The following PSME3 variants were observed in gnomAD, a reference collection of about 807,000 sequenced individuals.
The protein encoded by PSME3 is proteasome activator subunit 3, also known as proteasome activator complex subunit 3.
PSME3 carries 7 observed loss-of-function variants against 38.3 expected under a neutral mutation model. The ratio of observed to expected loss-of-function variants is 0.18; its 90% CI spans 0.10 to 0.34. PSME3 has a LOEUF of 0.34. Among genes scored for constraint, PSME3 ranks in the 10% least tolerant of loss-of-function variants. The pLI, the probability that PSME3 is intolerant of heterozygous loss-of-function variation, is 1.00. For synonymous variants in PSME3, 108 were observed against 105.7 expected, an observed-to-expected ratio of 1.02 and a Z score of -0.13; for missense variants, 192 against 307.6, an observed-to-expected ratio of 0.62 and a Z score of 2.81.
Position 42,833,445 on chromosome 17 carries a change from A to C in PSME3, c.-187A>C. The stretch of plus-strand genomic sequence containing the variant: ...AAGCCGGGAGGGCGAGCGAGAGAGC[A>C]AGCAGGCAGCAGGCTGCCGGCGGGC... On this transcript the variant is annotated 5_prime_UTR_variant, in exon 1 of 11. Transcript: ENST00000590720. The C allele has an allele frequency of 9.2e-6, 6 of 655,294 alleles. No homozygotes were observed. The highest frequency in any genetic ancestry group is 1.6e-5 in the Non-Finnish European group (6 of 381,286). 40.6% of individuals were successfully genotyped at this position (655,294 alleles called of 1,614,324 possible).
At chr17:42,841,006 G>A (rs1057290166) in intron 10 of PSME3, among the ~76,000 whole-genome samples, 2 of 151,636 alleles carry the variant, frequency 1.3e-5, no homozygotes, top group East Asian at 3.9e-4. Flanking sequence ...GGTGGCAGGC[G>A]CCTGTAGTCC....
intron 4 of PSME3, among the ~76,000 whole-genome samples, chr17:42,835,736 A>G (rs1255695406): frequency 4.6e-5 from 7 of 152,058 alleles, no homozygotes; most frequent in South Asian, 4.1e-4. Flanking sequence ...AAAAAAAAAA[A>G]AGAGAACTAG....
At position 42,838,160 on chromosome 17, in the gene PSME3, G is replaced by C; in HGVS notation, c.360G>C (p.Glu120Asp). 1 of 1,614,154 alleles carries C rather than the reference G, an allele frequency of 6.2e-7. No individual in the cohort carries two copies. Among genetic ancestry groups the C allele is most frequent in the Non-Finnish European group, 8.5e-7 (1 of 1,180,050 alleles). The stretch of plus-strand genomic sequence containing the variant: ...ACCAGCAGCTGGTGGACATTATTGA[G>C]AAAGTGAAACCTGAGATCCGGCTGT... ...KSNQQLVDII[E>D]KVKPEIRLLI... Residue 120 changes from glutamate (E) to aspartate (D), a missense_variant, in exon 6 of 11, where the codon GAG (glutamate) becomes GAC (aspartate). Coordinates refer to ENST00000590720, the MANE Select transcript of PSME3 (RefSeq NM_005789.4).
At chr17:42,839,189 G>A (rs1358595606) in intron 9 of PSME3, 23 bp downstream of exon 9, 1 of 1,570,226 alleles carries the variant, frequency 6.4e-7, no homozygotes, top group Non-Finnish European at 8.8e-7. Context: ...TTTGTGGCCT[G>A]AGGGTGGAGG....
At chr17:42,836,377 A>G (rs1178613538) in intron 4 of PSME3, among the ~76,000 whole-genome samples, 2 of 152,230 alleles carry the variant, frequency 1.3e-5, no homozygotes, top group African/African-American at 2.4e-5. Flanking sequence ...TGCTGAATAC[A>G]TGTTTGTTAA....
At chr17:42,837,496 T>C (rs1202789571) in intron 4 of PSME3, among the ~76,000 whole-genome samples, 153 bp from the exon 5 acceptor site, 4 of 152,196 alleles carry the variant, frequency 2.6e-5, no homozygotes, top group African/African-American at 9.7e-5. Flanking sequence ...CCAATAACCT[T>C]TCTTAAAGCT....
At position 42,843,296 on chromosome 17, in the gene PSME3, T is replaced by C. The variant is rs903013212; in HGVS notation, c.*1718T>C. On this transcript the variant is annotated 3_prime_UTR_variant, in exon 11 of 11. Transcript: ENST00000590720. ...GGCTAGGGATGTACTCATGCTCATATGTGTGCACGCTTGGACACCCACCTC... is the reference window on the plus strand; with the variant it reads ...GGCTAGGGATGTACTCATGCTCATACGTGTGCACGCTTGGACACCCACCTC... 1.3e-5 allele frequency: 2 copies of C among 152,798 alleles called. No individual in the cohort carries two copies. The highest frequency in any genetic ancestry group is 2.4e-5 in the African/African-American group (1 of 41,456). 9.5% of individuals were successfully genotyped at this position (152,798 alleles called of 1,614,324 possible). A position where few individuals can be genotyped will look rare whatever the true frequency, so the allele number is the denominator to read the frequency against.
chr17:42,836,076 C>T (rs2055459788), intron 4 of PSME3, among the ~76,000 whole-genome samples: 1 of 150,196 alleles, frequency 6.7e-6, no homozygotes, highest in Admixed American at 6.7e-5. Flanking sequence ...GCGATCTCAG[C>T]TTACTGTAAC....
chr17:42,841,864 C>A lies in PSME3; in HGVS notation c.*286C>A. 3.6e-6 allele frequency: 1 copy of A among 274,876 alleles called. No individual in the cohort carries two copies. The highest frequency in any genetic ancestry group is 6.8e-6 in the Non-Finnish European group (1 of 146,878). The allele number at this position is 274,876 out of a possible 1,614,324, so 17.0% of individuals were successfully genotyped here. ...GTGCAGGATGTTGGCACAAAAATACCTGTGTTTTCATTCTCCCCCTCTCTC... is the reference window on the plus strand; with the variant it reads ...GTGCAGGATGTTGGCACAAAAATACATGTGTTTTCATTCTCCCCCTCTCTC... On this transcript the variant is annotated 3_prime_UTR_variant, in exon 11 of 11. Transcript: ENST00000590720.
At position 42,834,556 on chromosome 17, in the gene PSME3, A is replaced by G; in HGVS notation, c.117A>G (p.Leu39=). ...CAAATTTTTTCCCAAAGAAGTTATTAGAACTTGATAGTTTTCTGAAGGTGA... is the reference window on the plus strand; with the variant it reads ...CAAATTTTTTCCCAAAGAAGTTATTGGAACTTGATAGTTTTCTGAAGGTGA... ...LVANFFPKKL[L]ELDSFLKEPI... The change falls in exon 3 of 11, where the codon TTA becomes TTG. Residue 39 remains leucine (L), a synonymous_variant. Transcript: ENST00000590720. 1 of 1,614,044 alleles carries G rather than the reference A, an allele frequency of 6.2e-7. No individual in the cohort carries two copies. Among genetic ancestry groups the G allele is most frequent in the Non-Finnish European group, 8.5e-7 (1 of 1,179,922 alleles).
rs1287990916 is a variant in PSME3, at chr17:42,839,097, T to A, written c.543-15T>A. On this transcript the variant is annotated splice_polypyrimidine_tract_variant and intron_variant, in intron 8 of 10. Transcript: ENST00000590720. ...AGGGTCTCCTGCATCTTCCTCCTCT[T>A]CTCTCTCTTTCCAGATATTATATTA... 6.3e-7 allele frequency: 1 copy of A among 1,588,494 alleles called. No homozygotes were observed. The highest frequency in any genetic ancestry group is 8.6e-7 in the Non-Finnish European group (1 of 1,156,676).
chr17:42,841,694 T>G lies in PSME3; in HGVS notation c.*116T>G. Reference sequence around the variant, plus strand: ...GCTGGAAATAGTAATCACACCTCTCTGTTTTTAGTTAGAGTCTAATGAAAC... The same window carrying G: ...GCTGGAAATAGTAATCACACCTCTCGGTTTTTAGTTAGAGTCTAATGAAAC... On this transcript the variant is annotated 3_prime_UTR_variant, in exon 11 of 11. Transcript: ENST00000590720. 1.6e-6 allele frequency: 1 copy of G among 622,130 alleles called. No individual in the cohort carries two copies. The highest frequency in any genetic ancestry group is 3.0e-5 in the East Asian group (1 of 32,844). 38.5% of individuals were successfully genotyped at this position (622,130 alleles called of 1,614,324 possible).
rs1041659712 is a variant in PSME3, at chr17:42,833,677, G to A, written c.42+4G>A. On this transcript the variant is annotated splice_donor_region_variant and intron_variant, in intron 1 of 10. Coordinates refer to ENST00000590720, the MANE Select transcript of PSME3 (RefSeq NM_005789.4). ...GGATCAGGAAGTGAAGCTCAAGGTAGCGGCACCGGTCCGGCCTTTTTGCCC... is the reference window on the plus strand; with the variant it reads ...GGATCAGGAAGTGAAGCTCAAGGTAACGGCACCGGTCCGGCCTTTTTGCCC... The A allele has an allele frequency of 3.7e-6, 6 of 1,614,246 alleles. No individual in the cohort carries two copies. The highest frequency in any genetic ancestry group is 3.3e-5 in the Admixed American group (2 of 60,030).
At position 42,843,385 on chromosome 17, in the gene PSME3, A is replaced by G. The variant is rs984855742; in HGVS notation, c.*1807A>G. Reference sequence around the variant, plus strand: ...AGTTGAGCTGAATCTTTTCCCCAGTATAGTGGAAAGACTGAGGCTTCTGCC... The same window carrying G: ...AGTTGAGCTGAATCTTTTCCCCAGTGTAGTGGAAAGACTGAGGCTTCTGCC... On this transcript the variant is annotated 3_prime_UTR_variant, in exon 11 of 11. Transcript: ENST00000590720. 1.3e-5 allele frequency: 2 copies of G among 152,460 alleles called. No individual in the cohort carries two copies. The highest frequency in any genetic ancestry group is 2.9e-5 in the Non-Finnish European group (2 of 68,012). 9.4% of individuals were successfully genotyped at this position (152,460 alleles called of 1,614,324 possible). A position where few individuals can be genotyped will look rare whatever the true frequency, so the allele number is the denominator to read the frequency against.
chr17:42,833,621 C>G lies in PSME3; in HGVS notation c.-11C>G. The G allele has an allele frequency of 1.9e-6, 3 of 1,614,228 alleles. No homozygotes were observed. Among genetic ancestry groups the G allele is most frequent in the Non-Finnish European group, 2.5e-6 (3 of 1,180,032 alleles). On this transcript the variant is annotated 5_prime_UTR_variant, in exon 1 of 11. Transcript: ENST00000590720. ...CGGTGTCCAGAGGATCGGACACGGC[C>G]CGGCCCGGCCATGGCCTCGTTGCTG...
At chr17:42,839,569 G>A (rs967864584) in intron 10 of PSME3, among the ~76,000 whole-genome samples, 189 bp downstream of exon 10, 1 of 152,196 alleles carries the variant, frequency 6.6e-6, no homozygotes, top group African/African-American at 2.4e-5. Flanking sequence ...TTCTACCTGA[G>A]TGGAGGGGTG....
intron 3 of PSME3, 87 bp downstream of exon 3, chr17:42,834,664 CTTTTT>C: frequency 6.3e-7 from 1 of 1,599,226 alleles, no homozygotes; most frequent in Non-Finnish European, 8.5e-7. Flanking sequence ...GATTCTTCTT[CTTTTT>C]ATTTTTTTAA....
Position 42,838,014 on chromosome 17 carries a change from A to G in PSME3, c.293-79A>G, listed in dbSNP as rs2055483986. On this transcript the variant is annotated intron_variant, in intron 5 of 10. Transcript: ENST00000590720. ...GCAGAGGTCATAGCATCTGATAGGT[A>G]TAGGGAAAATGAGAGAGAGGCAGGG... is the stretch of plus-strand genomic sequence containing the variant. The G allele has an allele frequency of 2.8e-6, 4 of 1,446,366 alleles. No individual in the cohort carries two copies. In the Admixed American group the frequency reaches 5.2e-5, roughly 19 times the overall value. 89.6% of individuals were successfully genotyped at this position (1,446,366 alleles called of 1,614,324 possible). A position where few individuals can be genotyped will look rare whatever the true frequency, so the allele number is the denominator to read the frequency against.
At chr17:42,837,898 T>G (rs1398822608) in intron 5 of PSME3, 195 bp from the exon 6 acceptor site, 12 of 859,128 alleles carry the variant, frequency 1.4e-5, no homozygotes, top group Non-Finnish European at 2.0e-5. Flanking sequence ...TTTAAGACTT[T>G]TGTTATGTTT....
Sources: gnomAD v4.1 joint callset for allele counts (sites outside exome capture counted in the v4.1 genomes callset) on GRCh38, gnomAD v4.1.1 for gene constraint, MANE v1.5 for transcripts, NCBI Gene and HGNC (gene_info 2026-07-23, HGNC 2026-07-21) for gene names.